The following WDR27 variants were observed in gnomAD, a reference collection of about 807,000 sequenced individuals.
The protein encoded by WDR27 is WD repeat-containing protein 27.
Under a neutral mutation model 114.4 loss-of-function variants are expected in WDR27, and 100 were observed. That is an observed-to-expected ratio of 0.87 (90% CI 0.74 to 1.03). The LOEUF (loss-of-function observed/expected upper bound fraction) is 1.03, where lower values mean the gene tolerates loss of function less well. WDR27 is among the 50% of genes least tolerant of loss of function. The pLI, the probability that WDR27 is intolerant of heterozygous loss-of-function variation, is 0.00. For missense variants in WDR27, 1,129 were observed against 1,092.9 expected, an observed-to-expected ratio of 1.03 and a Z score of -0.47; for synonymous variants, 449 against 423.1, an observed-to-expected ratio of 1.06 and a Z score of -0.75.
At chr6:169,633,124 C>T (rs745683163) in intron 20 of WDR27, 56 bp from the exon 21 acceptor site, 4 of 1,513,818 alleles carry the variant, frequency 2.6e-6, no homozygotes, top group East Asian at 4.6e-5. Context: ...GGGGAAGGGA[C>T]AGTTCCCTCT....
At chr6:169,448,853 A>C in the WDR27 span, among the ~76,000 whole-genome samples, 1 of 152,156 alleles carries the variant, frequency 6.6e-6, no homozygotes, top group African/African-American at 2.4e-5. Flanking sequence ...GCTCTAACCC[A>C]TGTCCAGAGC....
chr6:169,686,666 C>T (rs553079953), intron 2 of WDR27, among the ~76,000 whole-genome samples: 1 of 152,108 alleles, frequency 6.6e-6, no homozygotes, highest in Non-Finnish European at 1.5e-5. Context: ...AAGAGACAAG[C>T]AATACATTAT....
chr6:169,526,523 G>A (rs891501521), intron 25 of WDR27, among the ~76,000 whole-genome samples: 9 of 152,144 alleles, frequency 5.9e-5, no homozygotes, highest in African/African-American at 2.2e-4. Context: ...TGAGGCAGGA[G>A]AATCGCTTAA....
chr6:169,500,549 C>G (rs1393254791), intron 25 of WDR27, among the ~76,000 whole-genome samples: 1 of 152,192 alleles, frequency 6.6e-6, no homozygotes, highest in African/African-American at 2.4e-5. Context: ...GAGAAGGCAT[C>G]ACGCAGAGAG....
intron 25 of WDR27, among the ~76,000 whole-genome samples, chr6:169,566,424 G>A (rs1028613792): frequency 6.6e-5 from 10 of 152,236 alleles, no homozygotes; most frequent in Non-Finnish European, 1.2e-4. Flanking sequence ...GACCCTGAGA[G>A]TGGCCACTGT....
intron 25 of WDR27, among the ~76,000 whole-genome samples, chr6:169,549,093 A>T (rs1172340453): frequency 1.3e-5 from 2 of 152,242 alleles, no homozygotes; most frequent in East Asian, 3.8e-4. Flanking sequence ...GAAATGGATA[A>T]TGTCAAGTGA....
chr6:169,633,942 A>G (rs1407700200), intron 20 of WDR27, among the ~76,000 whole-genome samples: 3 of 152,232 alleles, frequency 2.0e-5, no homozygotes, highest in Admixed American at 2.0e-4. Flanking sequence ...TTAAAACTTT[A>G]TACAATGAAT....
At chr6:169,539,279 C>T (rs1036686298) in intron 25 of WDR27, among the ~76,000 whole-genome samples, 22 of 152,318 alleles carry the variant, frequency 1.4e-4, no homozygotes, top group African/African-American at 3.6e-4. Flanking sequence ...TCTCCCCCAT[C>T]GCCCCAACCC....
chr6:169,665,759 C>A lies in WDR27; in HGVS notation c.713-203G>T, dbSNP rs188823432. ...ACAAATGTTGAAAACCCCATAAACA[C>A]AATGAAGGCTGGGGACATCACCCCA... On this transcript the variant is annotated intron_variant, in intron 6 of 25. Coordinates refer to ENST00000448612, the MANE Select transcript of WDR27 (RefSeq NM_182552.5). Among the ~76,000 whole-genome samples the A allele has an allele frequency of 1.1e-3, 168 of 152,314 alleles. 3 individuals are homozygous for A. In the East Asian group the frequency reaches 0.029, roughly 26 times the overall value.
intron 21 of WDR27, among the ~76,000 whole-genome samples, chr6:169,624,172 G>A (rs1814141940): frequency 6.6e-6 from 1 of 151,578 alleles, no homozygotes; most frequent in Admixed American, 6.6e-5. Context: ...TGTGGCGTCA[G>A]GTGTGCAGCG....
chr6:169,696,696 C>T (rs1168079522), intron 1 of WDR27, among the ~76,000 whole-genome samples: 1 of 152,176 alleles, frequency 6.6e-6, no homozygotes, highest in African/African-American at 2.4e-5. Flanking sequence ...GGGTGGATCA[C>T]GAGGTCAGGA....
downstream of WDR27, among the ~76,000 whole-genome samples, chr6:169,453,656 A>T (rs1784241068): frequency 6.6e-6 from 1 of 152,192 alleles, no homozygotes; most frequent in Non-Finnish European, 1.5e-5. Context: ...TGTTAACTTC[A>T]ATTAAAATGT....
At chr6:169,651,233 G>C (rs1451405357) in intron 14 of WDR27, among the ~76,000 whole-genome samples, 1 of 147,354 alleles carries the variant, frequency 6.8e-6, no homozygotes, top group Non-Finnish European at 1.5e-5. Context: ...ACATGAAGAC[G>C]GGAGCTTGGT....
At chr6:169,561,622 T>C (rs2128115003) in intron 25 of WDR27, among the ~76,000 whole-genome samples, 1 of 151,294 alleles carries the variant, frequency 6.6e-6, no homozygotes, top group Admixed American at 6.6e-5. Context: ...AAATATCTAA[T>C]GGGGCCAAAA....
chr6:169,681,801 T>C (rs1781584370), intron 2 of WDR27, among the ~76,000 whole-genome samples: 1 of 152,126 alleles, frequency 6.6e-6, no homozygotes, highest in African/African-American at 2.4e-5. Flanking sequence ...CTCGCCACAC[T>C]TCCTCCCATG....
intron 24 of WDR27, among the ~76,000 whole-genome samples, chr6:169,578,385 T>C (rs1269314765): frequency 1.3e-5 from 2 of 152,224 alleles, no homozygotes; most frequent in African/African-American, 4.8e-5. Flanking sequence ...GTGGAAGCAC[T>C]TGCAAACACG....
intron 21 of WDR27, among the ~76,000 whole-genome samples, chr6:169,617,396 A>AC (rs1464478604): frequency 6.6e-6 from 1 of 152,036 alleles, no homozygotes; most frequent in Non-Finnish European, 1.5e-5. Context: ...TTTTTTTGAG[A>AC]CCGAGTTTCA....
chr6:169,676,663 G>A (rs1187228896), intron 2 of WDR27, among the ~76,000 whole-genome samples: 6 of 152,112 alleles, frequency 3.9e-5, no homozygotes, highest in Non-Finnish European at 7.4e-5. Flanking sequence ...TGGTCTCCAC[G>A]ATCCGTTATC....
chr6:169,686,726 T>C (rs1355009032), intron 2 of WDR27, among the ~76,000 whole-genome samples: 3 of 152,124 alleles, frequency 2.0e-5, no homozygotes, highest in African/African-American at 7.2e-5. Context: ...ACAGCCAAAA[T>C]ATGGAATCAA....
Sources: gnomAD v4.1 joint callset for allele counts (sites outside exome capture counted in the v4.1 genomes callset) on GRCh38, gnomAD v4.1.1 for gene constraint, MANE v1.5 for transcripts, NCBI Gene and HGNC (gene_info 2026-07-23, HGNC 2026-07-21) for gene names.